The following SPAG6 variants were observed in gnomAD, a reference collection of about 807,000 sequenced individuals.
SPAG6 encodes the protein sperm-associated antigen 6.
In SPAG6, 49 loss-of-function variants were observed where a neutral mutation model predicts 58.5. That is an observed-to-expected ratio of 0.84 (90% CI 0.67 to 1.06). The LOEUF is 1.06. Among genes scored for constraint, SPAG6 ranks in the 50% least tolerant of loss-of-function variants. SPAG6 has a pLI of 0.00. For missense variants in SPAG6, 560 were observed against 611.3 expected (o/e 0.92, Z 0.89); for synonymous variants, 233 against 225.6 (o/e 1.03, Z -0.29).
At position 22,363,845 on chromosome 10, in the gene SPAG6, A is replaced by T. The variant is rs73598503; in HGVS notation, c.122-1008A>T. On this transcript the variant is annotated intron_variant, in intron 2 of 10. Transcript: ENST00000376624. The stretch of plus-strand genomic sequence containing the variant: ...TAAAGAAAAGATTTAATGATATCTA[A>T]TTGAGTAGACTGGTGTAAATTAAAG... Among the ~76,000 whole-genome samples, 367 of 152,360 alleles carry T rather than the reference A, an allele frequency of 2.4e-3. 2 individuals carry two copies. Among genetic ancestry groups the T allele is most frequent in the African/African-American group, 8.5e-3 (353 of 41,578 alleles).
At chr10:22,405,603 T>C (rs1290715415) in intron 9 of SPAG6, among the ~76,000 whole-genome samples, 1 of 150,918 alleles carries the variant, frequency 6.6e-6, no homozygotes, top group Non-Finnish European at 1.5e-5. Context: ...ATTCTCTTTT[T>C]TGGTTGTGTC....
chr10:22,359,746 C>T (rs929563125), intron 2 of SPAG6, among the ~76,000 whole-genome samples: 1 of 152,160 alleles, frequency 6.6e-6, no homozygotes, highest in Non-Finnish European at 1.5e-5. Flanking sequence ...GTAACCAAGG[C>T]AACAAGATAA....
At chr10:22,408,700 C>G (rs1339463485) in intron 9 of SPAG6, among the ~76,000 whole-genome samples, 1 of 152,226 alleles carries the variant, frequency 6.6e-6, no homozygotes, top group Non-Finnish European at 1.5e-5. Context: ...TTTACCTAAG[C>G]AAGCCTGGGC....
chr10:22,409,152 C>T (rs180706863), intron 9 of SPAG6, among the ~76,000 whole-genome samples: 21 of 152,198 alleles, frequency 1.4e-4, no homozygotes, highest in African/African-American at 5.1e-4. Context: ...GCTCCTACCT[C>T]CCATGAATAT....
At chr10:22,348,697 A>G (rs1029565998) in intron 2 of SPAG6, among the ~76,000 whole-genome samples, 1 of 152,212 alleles carries the variant, frequency 6.6e-6, no homozygotes, top group Non-Finnish European at 1.5e-5. Flanking sequence ...TAAGTCTCCA[A>G]TCTTTTTTAT....
chr10:22,378,421 T>G (rs951643347), intron 4 of SPAG6, among the ~76,000 whole-genome samples: 1 of 151,488 alleles, frequency 6.6e-6, no homozygotes, highest in Non-Finnish European at 1.5e-5. Flanking sequence ...GGGCAGGTTT[T>G]TTTTTTTTTT....
At chr10:22,387,652 A>C (rs997618576) in intron 5 of SPAG6, among the ~76,000 whole-genome samples, 171 bp from the exon 6 acceptor site, 2 of 152,186 alleles carry the variant, frequency 1.3e-5, no homozygotes, top group African/African-American at 2.4e-5. Context: ...TGGGTATAAG[A>C]CTTGAATGTG....
At chr10:22,412,490 T>G in intron 10 of SPAG6, 1 of 1,530,650 alleles carries the variant, frequency 6.5e-7, no homozygotes, top group Non-Finnish European at 8.8e-7. Flanking sequence ...TTAGGAAGTT[T>G]ATGAGAACTC....
At chr10:22,397,364 T>C (rs1482388244) in intron 8 of SPAG6, among the ~76,000 whole-genome samples, 1 of 152,140 alleles carries the variant, frequency 6.6e-6, no homozygotes, top group Admixed American at 6.5e-5. Flanking sequence ...CCAGGCTGGA[T>C]TGCAGTGGTG....
In SPAG6 at chr10:22,387,963, T is replaced by A. The variant is rs763224092; in HGVS notation, c.819T>A (p.Thr273=). 1 of 1,612,382 alleles carries A rather than the reference T, an allele frequency of 6.2e-7. No homozygotes were observed. Among genetic ancestry groups the A allele is most frequent in the Non-Finnish European group, 8.5e-7 (1 of 1,179,300 alleles). Residue 273 remains threonine (T), a synonymous_variant, in exon 6 of 11, where the codon ACT becomes ACA. Coordinates refer to ENST00000376624, the MANE Select transcript of SPAG6 (RefSeq NM_012443.4). The part of the protein sequence containing the change: ...KDEYVKKNAS[T]LIREIAKHTP... ...AATACGTGAAGAAAAATGCTTCTAC[T>A]TTAATTAGAGAGATTGCAAAACATA... is the stretch of plus-strand genomic sequence containing the variant.
At chr10:22,357,411 C>T (rs1216181362) in intron 2 of SPAG6, among the ~76,000 whole-genome samples, 1 of 151,938 alleles carries the variant, frequency 6.6e-6, no homozygotes, top group Non-Finnish European at 1.5e-5. Context: ...GAATGAATTA[C>T]TCATTCAAGA....
chr10:22,367,009 G>GTT (rs34674831), intron 3 of SPAG6, among the ~76,000 whole-genome samples: 41 of 143,804 alleles, frequency 2.9e-4, no homozygotes, highest in Admixed American at 5.6e-4. Context: ...GTTTTGCTGG[G>GTT]TTTTTTTTTT....
At chr10:22,352,740 C>G (rs575338344) in intron 2 of SPAG6, among the ~76,000 whole-genome samples, 2 of 152,290 alleles carry the variant, frequency 1.3e-5, no homozygotes, top group East Asian at 3.9e-4. Flanking sequence ...AACTCCTGAC[C>G]TCAGGTGATC....
rs1834105311 is a variant in SPAG6 at position 22,387,910 on chromosome 10, G to A, written c.766G>A (p.Val256Ile). 1 of 1,613,070 alleles carries A rather than the reference G, an allele frequency of 6.2e-7. No individual in the cohort carries two copies. The highest frequency in any genetic ancestry group is 8.5e-7 in the Non-Finnish European group (1 of 1,179,616). Residue 256 changes from valine to isoleucine, a missense_variant, in exon 6 of 11, where the codon GTA (valine) becomes ATA (isoleucine). Coordinates refer to ENST00000376624, the MANE Select transcript of SPAG6 (RefSeq NM_012443.4). ...TGTTGAAGCAGAGATTTTTCCAGTT[G>A]TACTTACCTGTCTGAAGGACAAGGA... ...MVVEAEIFPV[V>I]LTCLKDKDEY...
chr10:22,365,545 C>T (rs1267293962), intron 3 of SPAG6, among the ~76,000 whole-genome samples: 2 of 152,060 alleles, frequency 1.3e-5, no homozygotes, highest in East Asian at 1.9e-4. Context: ...TTTTTTTCCC[C>T]CTCCTATCTG....
chr10:22,403,009 T>C (rs962411752), intron 9 of SPAG6, among the ~76,000 whole-genome samples: 9 of 152,160 alleles, frequency 5.9e-5, no homozygotes, highest in African/African-American at 2.2e-4. Flanking sequence ...TAACCTACAT[T>C]AAGAGTTCAA....
intron 10 of SPAG6, chr10:22,412,876 T>C (rs1834774684): frequency 6.4e-6 from 1 of 156,104 alleles, no homozygotes; most frequent in Non-Finnish European, 1.4e-5. Context: ...CGGCCACAAA[T>C]TTATATTTTA....
rs1235060168 is a variant in SPAG6 at position 22,346,487 on chromosome 10, CTTCTTCTTCT to C, written c.121+681_121+690del. On this transcript the variant is annotated intron_variant, in intron 2 of 10. Transcript: ENST00000376624. ...TCTTCTTCTTCTTCTTCTTCTTCTT[CTTCTTCTTCT>C]TTCTTCTTCTTCTTCCTCTTCTTCT... Among the ~76,000 whole-genome samples, 644 of 138,562 alleles carry C rather than the reference CTTCTTCTTCT, an allele frequency of 4.6e-3. 10 individuals carry two copies. The highest frequency in any genetic ancestry group is 0.02 in the African/African-American group (599 of 29,988). The allele number at this position is 138,562 out of a possible 152,430, so 90.9% of individuals were successfully genotyped here. A position where few individuals can be genotyped will look rare whatever the true frequency, so the allele number is the denominator to read the frequency against.
At chr10:22,415,326 T>C (rs1241114164) in intron 10 of SPAG6, among the ~76,000 whole-genome samples, 1 of 151,808 alleles carries the variant, frequency 6.6e-6, no homozygotes, top group East Asian at 1.9e-4. Flanking sequence ...TTTAAAGATA[T>C]TTAAAAATCT....
Sources: allele counts gnomAD v4.1 joint callset (sites outside exome capture counted in the v4.1 genomes callset), GRCh38; gene constraint gnomAD v4.1.1; transcripts MANE v1.5; gene names NCBI Gene and HGNC (gene_info 2026-07-23, HGNC 2026-07-21).